CDC7: variants seen among roughly 807,000 people sequenced by gnomAD.
CDC7 encodes cell division cycle 7, also known as cell division cycle 7-related protein kinase.
Under a neutral mutation model 53.5 loss-of-function variants are expected in CDC7, and 34 were observed. That is an observed-to-expected ratio of 0.64 (90% confidence interval 0.48 to 0.85). The LOEUF is 0.85. Ranked by LOEUF, CDC7 falls within the 40% of genes least tolerant of loss-of-function variation. The pLI, the probability that CDC7 is intolerant of heterozygous loss-of-function variation, is 0.00. For missense variants in CDC7, 594 were observed against 679.7 expected (o/e 0.87, Z 1.40); for synonymous variants, 211 against 222.8 (o/e 0.95, Z 0.47).
chr1:91,512,906 A>G (rs1571325327), intron 6 of CDC7, 152 bp from the exon 7 acceptor site: 1 of 673,070 alleles, frequency 1.5e-6, no homozygotes. Flanking sequence ...TGTCTGGAAA[A>G]CTTATTTTTT....
intron 2 of CDC7, among the ~76,000 whole-genome samples, chr1:91,507,613 T>TA (rs556999826): frequency 5.4e-4 from 83 of 152,300 alleles, no homozygotes; most frequent in African/African-American, 1.8e-3. Flanking sequence ...TCTTAGTATA[T>TA]AATTCCAGTA....
intron 10 of CDC7, among the ~76,000 whole-genome samples, chr1:91,518,417 C>G (rs933222397): frequency 6.6e-6 from 1 of 152,092 alleles, no homozygotes; most frequent in African/African-American, 2.4e-5. Flanking sequence ...AATCAATGTA[C>G]CGAAGAGGTA....
intron 11 of CDC7, among the ~76,000 whole-genome samples, 197 bp from the exon 12 acceptor site, chr1:91,523,844 T>C (rs575397805): frequency 6.6e-6 from 1 of 152,292 alleles, no homozygotes; most frequent in Admixed American, 6.5e-5. Flanking sequence ...TATCTCCCAC[T>C]ATGCAATTCA....
At chr1:91,509,372 A>C (rs1667149982) in intron 4 of CDC7, among the ~76,000 whole-genome samples, 2 of 125,700 alleles carry the variant, frequency 1.6e-5, no homozygotes, top group African/African-American at 7.1e-5. Flanking sequence ...TTAACATACC[A>C]AAAAAAAAAA....
chr1:91,508,733 G>T (rs902494757), intron 4 of CDC7, among the ~76,000 whole-genome samples: 1 of 151,824 alleles, frequency 6.6e-6, no homozygotes, highest in African/African-American at 2.4e-5. Context: ...AGCTATTGAC[G>T]ACCTCATCTA....
chr1:91,504,061 G>C (rs1040835470), intron 2 of CDC7, among the ~76,000 whole-genome samples: 2 of 150,426 alleles, frequency 1.3e-5, no homozygotes, highest in Admixed American at 6.6e-5. Context: ...AAACTATCTG[G>C]CATAATATTG....
chr1:91,501,939 T>A, intron 2 of CDC7, 108 bp downstream of exon 2: 1 of 811,980 alleles, frequency 1.2e-6, no homozygotes, highest in Non-Finnish European at 2.0e-6. Flanking sequence ...AAGTGAATTG[T>A]ATGTTTCTAT....
chr1:91,518,324 T>G (rs1370403913), intron 10 of CDC7, among the ~76,000 whole-genome samples: 1 of 152,072 alleles, frequency 6.6e-6, no homozygotes, highest in Admixed American at 6.5e-5. Flanking sequence ...GGAAAACAAT[T>G]TGGACGTTCC....
intron 10 of CDC7, among the ~76,000 whole-genome samples, chr1:91,519,625 TAAA>T (rs1265725075): frequency 6.6e-6 from 1 of 152,100 alleles, no homozygotes; most frequent in Non-Finnish European, 1.5e-5. Flanking sequence ...CACAAAAAAA[TAAA>T]AAAGTAATTT....
chr1:91,505,456 A>G (rs778552346), intron 2 of CDC7, among the ~76,000 whole-genome samples: 41 of 152,226 alleles, frequency 2.7e-4, no homozygotes, highest in Non-Finnish European at 5.3e-4. Flanking sequence ...CCAGGCTGGC[A>G]AGGAGTGTAG....
rs573446316 is a variant in CDC7, at chr1:91,518,148, G to C, written c.1181-1982G>C. Among the ~76,000 whole-genome samples the C allele has an allele frequency of 3.5e-4, 45 of 130,000 alleles. 1 individual carries two copies. The South Asian group carries it at 0.012, about 34-fold the overall frequency. The allele number at this position is 130,000 out of a possible 152,430, so 85.3% of individuals were successfully genotyped here. A position where few individuals can be genotyped will look rare whatever the true frequency, so the allele number is the denominator to read the frequency against. ...ACAGTAGCCCAAGGAACAGAGAGCA[G>C]ATAACCTGGTGATACTAGGAAGTCA... On this transcript the variant is annotated intron_variant, in intron 10 of 11. Transcript: ENST00000234626.
chr1:91,510,840 C>T (rs1667249498), intron 4 of CDC7, among the ~76,000 whole-genome samples: 2 of 152,180 alleles, frequency 1.3e-5, no homozygotes, highest in South Asian at 4.1e-4. Context: ...AGCCTTCCCT[C>T]AGTTGTTATT....
At chr1:91,509,164 C>G (rs1667135339) in intron 4 of CDC7, among the ~76,000 whole-genome samples, 1 of 152,064 alleles carries the variant, frequency 6.6e-6, no homozygotes, top group African/African-American at 2.4e-5. Flanking sequence ...TATTGGAGTT[C>G]CTCGTGCTTG....
chr1:91,514,396 C>G (rs1325112281), intron 8 of CDC7, among the ~76,000 whole-genome samples: 1 of 152,162 alleles, frequency 6.6e-6, no homozygotes, highest in Non-Finnish European at 1.5e-5. Flanking sequence ...TTAACAAAAT[C>G]ATCATCAATG....
At chr1:91,509,892 C>T (rs563340244) in intron 4 of CDC7, among the ~76,000 whole-genome samples, 1 of 152,254 alleles carries the variant, frequency 6.6e-6, no homozygotes, top group African/African-American at 2.4e-5. Context: ...TTCAGGAAGA[C>T]CTCTCCCAGT....
At chr1:91,509,092 C>T (rs1036212568) in intron 4 of CDC7, among the ~76,000 whole-genome samples, 4 of 152,092 alleles carry the variant, frequency 2.6e-5, no homozygotes, top group African/African-American at 9.7e-5. Context: ...TTCTTCTTCC[C>T]TCATTTGGCC....
At chr1:91,510,088 A>G (rs546853444) in intron 4 of CDC7, among the ~76,000 whole-genome samples, 2 of 152,210 alleles carry the variant, frequency 1.3e-5, no homozygotes, top group East Asian at 3.9e-4. Context: ...GGTGGCACAC[A>G]TCTGTAGTCC....
chr1:91,523,998 A>C (rs1250844634), intron 11 of CDC7, 43 bp from the exon 12 acceptor site: 1 of 1,483,220 alleles, frequency 6.7e-7, no homozygotes, highest in South Asian at 1.3e-5. Context: ...TCAAATAATA[A>C]AATGTTTTTT....
At chr1:91,521,962 C>T (rs774255862) in intron 11 of CDC7, among the ~76,000 whole-genome samples, 6 of 151,888 alleles carry the variant, frequency 4.0e-5, no homozygotes, top group Non-Finnish European at 8.8e-5. Flanking sequence ...GTCAGGAGAC[C>T]GAGACCATCC....
Sources: gnomAD v4.1 joint callset for allele counts (sites outside exome capture counted in the v4.1 genomes callset) on GRCh38, gnomAD v4.1.1 for gene constraint, MANE v1.5 for transcripts, NCBI Gene and HGNC (gene_info 2026-07-23, HGNC 2026-07-21) for gene names.